Variants in TJAP1 observed in about 807,000 individuals in gnomAD.
TJAP1 encodes tight junction-associated protein 1.
A neutral mutation model predicts 42.0 loss-of-function variants in TJAP1; 27 were observed. That is an observed-to-expected ratio of 0.64 (90% CI 0.47 to 0.89). The LOEUF (loss-of-function observed/expected upper bound fraction) is 0.89, where lower values mean the gene tolerates loss of function less well. Ranked by LOEUF, TJAP1 falls within the 40% of genes least tolerant of loss-of-function variation. The probability of loss-of-function intolerance (pLI) is 0.00; values close to 1 mark genes in which losing one functional copy is unlikely to be tolerated. For missense variants in TJAP1, 712 were observed against 726.9 expected, an observed-to-expected ratio of 0.98 and a Z score of 0.24; for synonymous variants, 257 against 288.4, an observed-to-expected ratio of 0.89 and a Z score of 1.10.
chr6:43,496,250 A>G (rs1789116979), intron 2 of TJAP1, among the ~76,000 whole-genome samples: 1 of 151,902 alleles, frequency 6.6e-6, no homozygotes, highest in South Asian at 2.1e-4. Flanking sequence ...CACCCCACAC[A>G]TTTACCCTCT....
Position 43,501,539 on chromosome 6 carries a change from G to A in TJAP1, c.142G>A (p.Glu48Lys), listed in dbSNP as rs148303279. The change falls in exon 6 of 11, where the codon GAG (glutamate) becomes AAG (lysine). Residue 48 changes from glutamate to lysine, a missense_variant. By Grantham distance (56) the Glu-to-Lys change is moderately conservative. This residue lies in a region of TJAP1 where 158 missense variants were observed against 182.1 expected (regional missense o/e 0.87). Transcript: ENST00000372449. ...ACACCCTGCCAGGCTCTTACAGGAG[G>A]AGAATGAAGAGCTTCGCCGGCGCCT... 8.9e-5 allele frequency: 143 copies of A among 1,613,560 alleles called. No homozygotes were observed. Among genetic ancestry groups the A allele is most frequent in the Non-Finnish European group, 1.2e-4 (138 of 1,179,980 alleles).
At chr6:43,482,130 T>G (rs1048040943) in intron 2 of TJAP1, among the ~76,000 whole-genome samples, 2 of 152,228 alleles carry the variant, frequency 1.3e-5, no homozygotes, top group African/African-American at 4.8e-5. Context: ...TGCGTGGCAG[T>G]CAGCGTGCTG....
At position 43,505,928 on chromosome 6, in the gene TJAP1, C is replaced by T. The variant is rs1481655632; in HGVS notation, c.*73C>T. ...TCCCCACACCTTGGCAGCTCAGGGT[C>T]CCCAGTCCAAGCCCTTGACCTCTCC... On this transcript the variant is annotated 3_prime_UTR_variant, in exon 11 of 11. Coordinates refer to ENST00000372449, the Ensembl canonical transcript of TJAP1. The surrounding 1 kb of genome is among the most constrained non-coding windows in gnomAD (Gnocchi z 5.5). 11 of 1,403,582 alleles carry T rather than the reference C, an allele frequency of 7.8e-6. No individual in the cohort carries two copies. Among genetic ancestry groups the T allele is most frequent in the Admixed American group, 5.9e-5 (2 of 33,976 alleles). The allele number at this position is 1,403,582 out of a possible 1,614,324, so 86.9% of individuals were successfully genotyped here.
At chr6:43,493,435 T>C (rs537366388) in intron 2 of TJAP1, among the ~76,000 whole-genome samples, 1 of 152,228 alleles carries the variant, frequency 6.6e-6, no homozygotes, top group African/African-American at 2.4e-5. Flanking sequence ...TCAGGAGAGT[T>C]GTGGAGTGAG....
chr6:43,486,387 G>A (rs1166812347), intron 2 of TJAP1, among the ~76,000 whole-genome samples: 1 of 116,938 alleles, frequency 8.6e-6, no homozygotes, highest in East Asian at 2.8e-4. Context: ...ATGGAGTCTT[G>A]CTCTGTCGCC....
At position 43,505,091 on chromosome 6, in the gene TJAP1, G is replaced by C. The variant is rs140679516; in HGVS notation, c.910G>C (p.Glu304Gln). The C allele has an allele frequency of 1.8e-5, 29 of 1,614,002 alleles. No homozygotes were observed. In the African/African-American group the frequency reaches 3.9e-4, roughly 22 times the overall value. ...TACTGCCAGGGGCTCCCCGGAGGAA[G>C]AGCTGCCCCTGCCAGCCTTTGAGAA... The change falls in exon 11 of 11, where the codon GAG (glutamate) becomes CAG (glutamine). Residue 304 changes from glutamate (E) to glutamine (Q), a missense_variant. This residue lies in a region of TJAP1 where 549 missense variants were observed against 528.2 expected (regional missense o/e 1.04). Coordinates refer to ENST00000372449, the Ensembl canonical transcript of TJAP1. The surrounding 1 kb of genome is among the most constrained non-coding windows in gnomAD (Gnocchi z 5.5).
At chr6:43,487,952 C>T (rs1244710104) in intron 2 of TJAP1, among the ~76,000 whole-genome samples, 1 of 151,682 alleles carries the variant, frequency 6.6e-6, no homozygotes, top group Non-Finnish European at 1.5e-5. Flanking sequence ...TCACTGCAAC[C>T]TCCACCTCCC....
In TJAP1 at chr6:43,492,864, C is replaced by T. The variant is rs1212725311; in HGVS notation, c.-121-5017C>T. On this transcript the variant is annotated intron_variant, in intron 2 of 10. Transcript: ENST00000372449. The surrounding 1 kb of genome is among the most constrained non-coding windows in gnomAD (Gnocchi z 4.2). ...CTTGTGTGGCGGGAGTGTAGCTGAC[C>T]CCCACTGGGGCACAGCTTCCCACAG... 6.6e-6 allele frequency among the ~76,000 whole-genome samples: 1 copy of T among 152,118 alleles called. No homozygotes were observed. The highest frequency in any genetic ancestry group is 1.9e-4 in the East Asian group (1 of 5,198).
intron 3 of TJAP1, 53 bp from the exon 4 acceptor site, chr6:43,498,925 C>A: frequency 6.3e-7 from 1 of 1,576,022 alleles, no homozygotes; most frequent in East Asian, 2.3e-5. Context: ...TTTCTCAGTC[C>A]AGAGTCCTTC....
In TJAP1 at chr6:43,498,962, T is replaced by C. The variant is rs745430423; in HGVS notation, c.-24-16T>C. 4.6e-5 allele frequency: 74 copies of C among 1,609,712 alleles called. No individual in the cohort carries two copies. The East Asian group carries it at 8.9e-4, about 19-fold the overall frequency. On this transcript the variant is annotated splice_polypyrimidine_tract_variant and intron_variant, in intron 3 of 10. Coordinates refer to ENST00000372449, the Ensembl canonical transcript of TJAP1. ...GGCCACATCTCTGAGCCTGCCTCCT[T>C]CTTGCTTCTCAGCAGGCGGAGGAGC...
At position 43,495,669 on chromosome 6, in the gene TJAP1, A is replaced by G. The variant is rs985463577; in HGVS notation, c.-121-2212A>G. Among the ~76,000 whole-genome samples the G allele has an allele frequency of 6.6e-6, 1 of 152,102 alleles. No individual in the cohort carries two copies. Among genetic ancestry groups the G allele is most frequent in the African/African-American group, 2.4e-5 (1 of 41,402 alleles). On this transcript the variant is annotated intron_variant, in intron 2 of 10. Transcript: ENST00000372449. This position sits in a 1 kb window ranked among gnomAD's most constrained non-coding sequence, Gnocchi z 4.6. ...ATAACCTCCCATCACAACCACCCCC[A>G]TCCCCAGAGAGTCTGTCTGCATTTA...
rs79083448 is a variant in TJAP1, at chr6:43,480,600, C to T, written c.-122+2368C>T. On this transcript the variant is annotated intron_variant, in intron 2 of 10. Coordinates refer to ENST00000372449, the Ensembl canonical transcript of TJAP1. The stretch of plus-strand genomic sequence containing the variant: ...ATGGTGCTCTCCTCACTGCAACCGC[C>T]GCCTCCCAGGTTGAAGTGATTCTCC... Among the ~76,000 whole-genome samples the T allele has an allele frequency of 2.2e-3, 335 of 152,260 alleles. 10 individuals carry two copies. The East Asian group carries it at 0.054, about 24-fold the overall frequency.
intron 2 of TJAP1, among the ~76,000 whole-genome samples, chr6:43,481,145 A>C (rs1468684364): frequency 6.6e-6 from 1 of 152,192 alleles, no homozygotes; most frequent in Non-Finnish European, 1.5e-5. Context: ...AAAAATGTTT[A>C]GGGGCTGAGT....
At chr6:43,502,658 T>C in intron 8 of TJAP1, 41 bp downstream of exon 8, 1 of 1,550,334 alleles carries the variant, frequency 6.5e-7, no homozygotes, top group Non-Finnish European at 8.7e-7. Context: ...TGCCCTGGCC[T>C]TCTCCTCAGC....
At chr6:43,496,637 C>T (rs1446647810) in intron 2 of TJAP1, among the ~76,000 whole-genome samples, 2 of 151,310 alleles carry the variant, frequency 1.3e-5, no homozygotes, top group South Asian at 2.1e-4. Context: ...CCTACCCTCT[C>T]ACCATTCTCC....
exon 1 of TJAP1, chr6:43,477,588 C>G (rs969163752): frequency 6.6e-6 from 1 of 152,334 alleles, no homozygotes; most frequent in Non-Finnish European, 1.5e-5. Flanking sequence ...GCCTGCCCCG[C>G]GGCAAGATGG....
chr6:43,500,559 G>C, intron 4 of TJAP1, 185 bp from the exon 5 acceptor site: 1 of 608,206 alleles, frequency 1.6e-6, no homozygotes, highest in Admixed American at 2.8e-5. Flanking sequence ...TGGCATGGGA[G>C]AGGGTAGTCG....
At chr6:43,494,042 T>C (rs533476356) in intron 2 of TJAP1, among the ~76,000 whole-genome samples, 1 of 152,344 alleles carries the variant, frequency 6.6e-6, no homozygotes, top group East Asian at 1.9e-4. Context: ...GCAGCTCTGC[T>C]GTGCGTGCCG....
At chr6:43,483,709 G>T (rs1390972931) in intron 2 of TJAP1, among the ~76,000 whole-genome samples, 4 of 152,198 alleles carry the variant, frequency 2.6e-5, no homozygotes, top group Non-Finnish European at 4.4e-5. Context: ...CTCACCACCT[G>T]TGCAACTTTG....
Sources: gnomAD v4.1 joint callset for allele counts (sites outside exome capture counted in the v4.1 genomes callset) on GRCh38, gnomAD v4.1.1 for gene constraint, gnomAD v4.1.1 regional missense constraint, Gnocchi (gnomAD v3.1) non-coding constraint, MANE v1.5 for transcripts, NCBI Gene and HGNC (gene_info 2026-07-23, HGNC 2026-07-21) for gene names.